The following MYOM1 variants were observed in gnomAD, a reference collection of about 807,000 sequenced individuals.
MYOM1 encodes myomesin 1.
A neutral mutation model predicts 205.3 loss-of-function variants in MYOM1; 164 were observed. That is an observed-to-expected ratio of 0.80 (90% CI 0.70 to 0.91). The LOEUF is 0.91. Ranked by LOEUF, MYOM1 falls within the 40% of genes least tolerant of loss-of-function variation. The pLI, the probability that MYOM1 is intolerant of heterozygous loss-of-function variation, is 0.00. For missense variants in MYOM1, 2,011 were observed against 2,127.3 expected (o/e 0.95, Z 1.08); for synonymous variants, 772 against 789.4 (o/e 0.98, Z 0.37).
chr18:3,242,849 C>T, the MYOM1 span, among the ~76,000 whole-genome samples: 2 of 152,198 alleles, frequency 1.3e-5, no homozygotes, highest in African/African-American at 2.4e-5. Flanking sequence ...CAGACTAATA[C>T]TGCCAGATAA....
chr18:3,172,412 G>A (rs1278831216), intron 8 of MYOM1, among the ~76,000 whole-genome samples: 1 of 152,150 alleles, frequency 6.6e-6, no homozygotes, highest in Non-Finnish European at 1.5e-5. Context: ...TGATGATACA[G>A]TTGTGGAGAT....
chr18:3,137,941 T>A (rs934270272), intron 14 of MYOM1, among the ~76,000 whole-genome samples: 1 of 152,188 alleles, frequency 6.6e-6, no homozygotes, highest in Admixed American at 6.5e-5. Context: ...GCAATGATTG[T>A]GTATCAATAA....
intron 14 of MYOM1, 36 bp downstream of exon 14, chr18:3,141,903 A>G (rs990599658): frequency 2.5e-6 from 4 of 1,611,692 alleles, no homozygotes; most frequent in African/African-American, 1.3e-5. Context: ...AATCCTTAGG[A>G]GGTAGTATGA....
intron 29 of MYOM1, 147 bp from the exon 30 acceptor site, chr18:3,086,298 C>A: frequency 2.0e-6 from 1 of 495,290 alleles, no homozygotes; most frequent in Non-Finnish European, 3.5e-6. Context: ...GAATTGAAAA[C>A]TATTTTAATT....
At chr18:3,082,350 C>T (rs2079093924) in intron 33 of MYOM1, among the ~76,000 whole-genome samples, 1 of 152,218 alleles carries the variant, frequency 6.6e-6, no homozygotes, top group African/African-American at 2.4e-5. Context: ...CAGCCTTGAC[C>T]TACCTCTTAG....
At chr18:3,217,729 T>C (rs918385349) in intron 1 of MYOM1, among the ~76,000 whole-genome samples, 2 of 152,110 alleles carry the variant, frequency 1.3e-5, no homozygotes, top group African/African-American at 4.8e-5. Flanking sequence ...ATGCTTGTAA[T>C]TCCAGCACTT....
intron 2 of MYOM1, among the ~76,000 whole-genome samples, chr18:3,205,784 A>G (rs1223238648): frequency 6.9e-6 from 1 of 143,988 alleles, no homozygotes; most frequent in Non-Finnish European, 1.5e-5. Flanking sequence ...ATGTATATAC[A>G]TATAACACGT....
intron 3 of MYOM1, 92 bp downstream of exon 3, chr18:3,193,726 G>C (rs2080952313): frequency 1.5e-6 from 2 of 1,317,728 alleles, no homozygotes. Context: ...TCTATAATCT[G>C]TCCACAACAA....
chr18:3,100,384 A>G lies in MYOM1; in HGVS notation c.3618T>C (p.Gly1206=), dbSNP rs1555617218. 3.7e-6 allele frequency: 6 copies of G among 1,613,938 alleles called. No individual in the cohort carries two copies. Among genetic ancestry groups the G allele is most frequent in the Non-Finnish European group, 5.1e-6 (6 of 1,179,850 alleles). The part of the protein sequence containing the change: ...TFKDLGMDDL[G]IYSCDVTDTD... ...TGTCTGTTACATCGCAAGAGTAAAT[A>G]CCCAAGTCATCCATCCCAAGGTCTT... Residue 1206 remains glycine (G), a synonymous_variant, in exon 24 of 38, where the codon GGT becomes GGC. Transcript: ENST00000356443.
the MYOM1 span, among the ~76,000 whole-genome samples, chr18:3,230,570 C>T: frequency 6.6e-6 from 1 of 152,234 alleles, no homozygotes; most frequent in Non-Finnish European, 1.5e-5. Flanking sequence ...CTTTCTGCAA[C>T]CAATCAGACC....
At chr18:3,069,470 C>T (rs754473731) in intron 37 of MYOM1, among the ~76,000 whole-genome samples, 5 of 152,166 alleles carry the variant, frequency 3.3e-5, no homozygotes, top group Non-Finnish European at 7.3e-5. Context: ...ACCCCTTTTG[C>T]AGGTATATCA....
At chr18:3,151,473 T>TA (rs71366642) in intron 12 of MYOM1, among the ~76,000 whole-genome samples, 1 of 143,928 alleles carries the variant, frequency 6.9e-6, no homozygotes, top group Non-Finnish European at 1.5e-5. Flanking sequence ...TAAAATAAAA[T>TA]AAATAAAATA....
At chr18:3,232,223 G>A in the MYOM1 span, among the ~76,000 whole-genome samples, 5 of 151,794 alleles carry the variant, frequency 3.3e-5, no homozygotes, top group African/African-American at 1.2e-4. Context: ...CCAGCTACTC[G>A]AGAGGCTGAG....
intron 3 of MYOM1, 82 bp downstream of exon 3, chr18:3,193,736 A>T: frequency 1.4e-6 from 2 of 1,386,506 alleles, no homozygotes; most frequent in South Asian, 2.9e-5. Flanking sequence ...GTCCACAACA[A>T]TTATGACTAT....
At chr18:3,076,762 G>A (rs971610817) in intron 34 of MYOM1, among the ~76,000 whole-genome samples, 34 of 150,174 alleles carry the variant, frequency 2.3e-4, no homozygotes, top group African/African-American at 7.9e-4. Context: ...TCACCAGGCT[G>A]GAGTGCAGTG....
In MYOM1 at chr18:3,116,861, G is replaced by A. The variant is rs6506066; in HGVS notation, c.3119-346C>T. ...ATTTAGCTGCAGATTCATATTTTTT[G>A]ATTTTTATTTTTAGACACAGGGTTT... On this transcript the variant is annotated intron_variant, in intron 20 of 37. Transcript: ENST00000356443. Among the ~76,000 whole-genome samples the A allele has an allele frequency of 1.6e-3, 244 of 152,082 alleles. 1 individual carries two copies. The highest frequency in any genetic ancestry group is 5.3e-3 in the African/African-American group (221 of 41,408).
chr18:3,121,447 C>T (rs957790444), intron 19 of MYOM1, among the ~76,000 whole-genome samples: 2 of 152,098 alleles, frequency 1.3e-5, no homozygotes, highest in South Asian at 2.1e-4. Flanking sequence ...TGAATGTCAG[C>T]GGCAACAATG....
At chr18:3,115,047 C>T (rs948506169) in intron 21 of MYOM1, among the ~76,000 whole-genome samples, 4 of 152,026 alleles carry the variant, frequency 2.6e-5, no homozygotes, top group South Asian at 4.1e-4. Flanking sequence ...CAGTGGCAGA[C>T]TGAAGACTTG....
intron 10 of MYOM1, 73 bp from the exon 11 acceptor site, chr18:3,155,161 A>T: frequency 6.9e-7 from 1 of 1,444,894 alleles, no homozygotes; most frequent in Non-Finnish European, 9.3e-7. Context: ...CTCAGCGCAC[A>T]CGCTTCTTAC....
Sources: gnomAD v4.1 joint callset for allele counts (sites outside exome capture counted in the v4.1 genomes callset) on GRCh38, gnomAD v4.1.1 for gene constraint, MANE v1.5 for transcripts, NCBI Gene and HGNC (gene_info 2026-07-23, HGNC 2026-07-21) for gene names.